DNAJC10: variants seen among roughly 807,000 people sequenced by gnomAD.
DNAJC10 encodes the protein endoplasmic reticulum disulfide reductase DNAJC10.
A neutral mutation model predicts 115.0 loss-of-function variants in DNAJC10; 101 were observed. The observed-to-expected ratio is 0.88, with a 90% CI of 0.75 to 1.04. The LOEUF (loss-of-function observed/expected upper bound fraction) is 1.04. Ranked by LOEUF, DNAJC10 falls within the 50% of genes least tolerant of loss-of-function variation. The pLI, the probability that DNAJC10 is intolerant of heterozygous loss-of-function variation, is 0.00. For synonymous variants in DNAJC10, 307 were observed against 301.5 expected (o/e 1.02, Z -0.19); for missense variants, 981 against 928.8 (o/e 1.06, Z -0.73).
At chr2:182,769,406 C>G (rs1694501815) in intron 22 of DNAJC10, among the ~76,000 whole-genome samples, 1 of 152,194 alleles carries the variant, frequency 6.6e-6, no homozygotes, top group Non-Finnish European at 1.5e-5. Flanking sequence ...GCCACACTGT[C>G]TTACACAATG....
At chr2:182,763,025 T>C (rs1694324344) in intron 22 of DNAJC10, among the ~76,000 whole-genome samples, 1 of 152,160 alleles carries the variant, frequency 6.6e-6, no homozygotes. Flanking sequence ...ATTTTTATAC[T>C]AATGAATAGG....
In DNAJC10 at chr2:182,782,749, A is replaced by G. The variant is rs1028213819; in HGVS notation, c.*5617A>G. ...TTATTGGTGTATAGGAATGCTTGTGATTTTTGCACATTAATTTTGTATCCT... is the reference window on the plus strand; with the variant it reads ...TTATTGGTGTATAGGAATGCTTGTGGTTTTTGCACATTAATTTTGTATCCT... On this transcript the variant is annotated 3_prime_UTR_variant, in exon 24 of 24. Coordinates refer to ENST00000264065, the MANE Select transcript of DNAJC10 (RefSeq NM_018981.4). The G allele has an allele frequency of 1.3e-5, 2 of 152,138 alleles. No individual in the cohort carries two copies. Among genetic ancestry groups the G allele is most frequent in the African/African-American group, 4.8e-5 (2 of 41,420 alleles). 9.4% of individuals were successfully genotyped at this position (152,138 alleles called of 1,614,324 possible).
Position 182,779,620 on chromosome 2 carries a change from A to C in DNAJC10, c.*2488A>C, listed in dbSNP as rs1285055076. ...TTTTGGGCATTAATGATGTTTGTCT[A>C]TTCTGATTTCTCAAATTTTATTTAG... On this transcript the variant is annotated 3_prime_UTR_variant, in exon 24 of 24. Transcript: ENST00000264065. 2.6e-5 allele frequency: 4 copies of C among 152,314 alleles called. No homozygotes were observed. The highest frequency in any genetic ancestry group is 3.4e-3 in the Middle Eastern group (1 of 294). The allele number at this position is 152,314 out of a possible 1,614,324, so 9.4% of individuals were successfully genotyped here.
At chr2:182,774,480 T>G (rs899006390) in intron 22 of DNAJC10, among the ~76,000 whole-genome samples, 14 of 152,354 alleles carry the variant, frequency 9.2e-5, no homozygotes, top group Middle Eastern at 3.4e-3. Flanking sequence ...GCTGAAGGCC[T>G]TGTTGAGCTG....
intron 16 of DNAJC10, 135 bp downstream of exon 16, chr2:182,752,323 AAAT>A: frequency 6.4e-6 from 3 of 470,456 alleles, no homozygotes; most frequent in Non-Finnish European, 7.1e-6. Context: ...TATTTAAACA[AAAT>A]AATATTTTTA....
Position 182,775,364 on chromosome 2 carries a change from G to A in DNAJC10, c.2314G>A (p.Ala772Thr), listed in dbSNP as rs768125706. ...QINTRDAKAI[A>T]ALISEKLETL... ...AAATACCAGAGATGCAAAAGCAATC[G>A]CTGCCTTAATAAGTGAAAAATTGGA... The change falls in exon 23 of 24, where the codon GCT (alanine) becomes ACT (threonine). Residue 772 changes from alanine (A) to threonine (T), a missense_variant. By Grantham distance (58) the Ala-to-Thr change is moderately conservative. Coordinates refer to ENST00000264065, the MANE Select transcript of DNAJC10 (RefSeq NM_018981.4). 10 of 1,612,920 alleles carry A rather than the reference G, an allele frequency of 6.2e-6. No individual in the cohort carries two copies. The highest frequency in any genetic ancestry group is 1.7e-5 in the Admixed American group (1 of 59,956).
At chr2:182,748,522 G>T (rs1377472472) in intron 14 of DNAJC10, among the ~76,000 whole-genome samples, 1 of 152,190 alleles carries the variant, frequency 6.6e-6, no homozygotes, top group Non-Finnish European at 1.5e-5. Flanking sequence ...TTGCGTAGAG[G>T]TGTTTGTAGT....
At position 182,758,737 on chromosome 2, in the gene DNAJC10, C is replaced by T. The variant is rs1694217978; in HGVS notation, c.1944-100C>T. ...AAGAGAGATACCAGATGAAATCAAT[C>T]AATATAACTTATTTTTTAAATTGCT... On this transcript the variant is annotated intron_variant, in intron 19 of 23. Coordinates refer to ENST00000264065, the MANE Select transcript of DNAJC10 (RefSeq NM_018981.4). The T allele has an allele frequency of 4.8e-6, 4 of 834,034 alleles. No individual in the cohort carries two copies. In the South Asian group the frequency reaches 6.2e-5, roughly 13 times the overall value. The allele number at this position is 834,034 out of a possible 1,614,324, so 51.7% of individuals were successfully genotyped here. A position where few individuals can be genotyped will look rare whatever the true frequency, so the allele number is the denominator to read the frequency against.
At position 182,790,917 on chromosome 2, in the gene DNAJC10, CTT is replaced by C. The variant is rs1695038214; in HGVS notation, c.*13786_*13787del. 6.6e-6 allele frequency: 1 copy of C among 152,036 alleles called. No homozygotes were observed. Among genetic ancestry groups the C allele is most frequent in the African/African-American group, 2.4e-5 (1 of 41,392 alleles). The allele number at this position is 152,036 out of a possible 1,614,324, so 9.4% of individuals were successfully genotyped here. On this transcript the variant is annotated 3_prime_UTR_variant, in exon 24 of 24. Coordinates refer to ENST00000264065, the MANE Select transcript of DNAJC10 (RefSeq NM_018981.4). ...TCTGACTTTTCCTTTGCTTTATTCTCTTATTTCTTCCAAGTAACCATATTCTC... is the reference window on the plus strand; with the variant it reads ...TCTGACTTTTCCTTTGCTTTATTCTCATTTCTTCCAAGTAACCATATTCTC...
intron 16 of DNAJC10, among the ~76,000 whole-genome samples, chr2:182,752,801 G>A (rs866331956): frequency 3.3e-5 from 5 of 151,876 alleles, no homozygotes; most frequent in African/African-American, 1.2e-4. Context: ...AGCATGTTAA[G>A]TGACACCATG....
intron 14 of DNAJC10, among the ~76,000 whole-genome samples, chr2:182,746,147 T>C (rs1409963452): frequency 6.6e-6 from 1 of 152,218 alleles, no homozygotes; most frequent in Non-Finnish European, 1.5e-5. Context: ...TGTTGGACAT[T>C]TGGGTTGGTT....
rs1337609991 is a variant in DNAJC10, at chr2:182,792,201, A to G, written c.*15069A>G. ...ACAAATGCTTGCATACCATCAGTGAACAATTATTTTTTTATCTCCATGCTA... is the reference window on the plus strand; with the variant it reads ...ACAAATGCTTGCATACCATCAGTGAGCAATTATTTTTTTATCTCCATGCTA... On this transcript the variant is annotated 3_prime_UTR_variant, in exon 24 of 24. Coordinates refer to ENST00000264065, the MANE Select transcript of DNAJC10 (RefSeq NM_018981.4). 4 of 152,230 alleles carry G rather than the reference A, an allele frequency of 2.6e-5. No homozygotes were observed. The highest frequency in any genetic ancestry group is 4.4e-5 in the Non-Finnish European group (3 of 68,032). 9.4% of individuals were successfully genotyped at this position (152,230 alleles called of 1,614,324 possible). A position where few individuals can be genotyped will look rare whatever the true frequency, so the allele number is the denominator to read the frequency against.
chr2:182,775,193 G>T, intron 22 of DNAJC10, 123 bp from the exon 23 acceptor site: 6 of 598,284 alleles, frequency 1.0e-5, no homozygotes, highest in East Asian at 3.2e-5. Context: ...GAATAAATTT[G>T]AATTTCAAAC....
At chr2:182,744,206 G>T (rs889734073) in intron 14 of DNAJC10, among the ~76,000 whole-genome samples, 1 of 152,078 alleles carries the variant, frequency 6.6e-6, no homozygotes, top group African/African-American at 2.4e-5. Flanking sequence ...CCAAGAGTTT[G>T]GACTACAGCA....
At chr2:182,762,627 T>G in intron 21 of DNAJC10, 55 bp from the exon 22 acceptor site, 1 of 1,589,060 alleles carries the variant, frequency 6.3e-7, no homozygotes, top group Non-Finnish European at 8.6e-7. Flanking sequence ...GCTTTGTTGT[T>G]GCCAAAATAG....
intron 17 of DNAJC10, 77 bp from the exon 18 acceptor site, chr2:182,756,237 G>C: frequency 8.0e-7 from 1 of 1,247,680 alleles, no homozygotes; most frequent in Non-Finnish European, 1.1e-6. Flanking sequence ...TACTCAACCT[G>C]TACCAACAAT....
intron 22 of DNAJC10, among the ~76,000 whole-genome samples, chr2:182,768,925 A>G (rs942744031): frequency 2.0e-5 from 3 of 152,080 alleles, no homozygotes; most frequent in Non-Finnish European, 4.4e-5. Flanking sequence ...TGCTGCACCC[A>G]TCAACTCATC....
intron 3 of DNAJC10, among the ~76,000 whole-genome samples, chr2:182,719,254 T>TC (rs1693081252): frequency 7.1e-6 from 1 of 141,366 alleles, no homozygotes. Context: ...TGTTTTCTTT[T>TC]TTTTTTTTTT....
chr2:182,760,706 A>G (rs1014585564), intron 21 of DNAJC10, among the ~76,000 whole-genome samples: 5 of 152,152 alleles, frequency 3.3e-5, no homozygotes, highest in African/African-American at 1.2e-4. Context: ...TAGTGTTGGT[A>G]TAAAACACTC....
Sources: gnomAD v4.1 joint callset for allele counts (sites outside exome capture counted in the v4.1 genomes callset) on GRCh38, gnomAD v4.1.1 for gene constraint, MANE v1.5 for transcripts, NCBI Gene and HGNC (gene_info 2026-07-23, HGNC 2026-07-21) for gene names.